The following CDH13 variants were observed in gnomAD, a reference collection of about 807,000 sequenced individuals.
The protein encoded by CDH13 is cadherin 13.
CDH13 carries 24 observed loss-of-function variants against 63.8 expected under a neutral mutation model. The observed-to-expected ratio is 0.38, with a 90% CI of 0.27 to 0.53. The LOEUF (loss-of-function observed/expected upper bound fraction) is 0.53. Among genes scored for constraint, CDH13 ranks in the 20% least tolerant of loss-of-function variants. CDH13 has a pLI of 0.85. For missense variants in CDH13, 1,049 were observed against 903.1 expected, an observed-to-expected ratio of 1.16 and a Z score of -2.07; for synonymous variants, 503 against 355.3, an observed-to-expected ratio of 1.42 and a Z score of -4.67.
intron 5 of CDH13, among the ~76,000 whole-genome samples, chr16:83,245,567 G>C (rs10871448): frequency 0.99 from 150,847 of 152,308 alleles, 74,722 homozygotes; most frequent in Middle Eastern, 1. Context: ...CACCTGTAGT[G>C]AAGGGGTCAT....
intron 1 of CDH13, among the ~76,000 whole-genome samples, chr16:82,631,095 G>T (rs1171800010): frequency 1.3e-5 from 2 of 151,964 alleles, no homozygotes; most frequent in African/African-American, 4.8e-5. Context: ...TCCTTCTTTT[G>T]CTCTCTTGCT....
rs928664777 is a variant in CDH13 at position 83,540,326 on chromosome 16, C to G, written c.960+53671C>G. Among the ~76,000 whole-genome samples, 4 of 152,108 alleles carry G rather than the reference C, an allele frequency of 2.6e-5. No homozygotes were observed. In the East Asian group the frequency reaches 5.8e-4, roughly 22 times the overall value. On this transcript the variant is annotated intron_variant, in intron 7 of 13. Transcript: ENST00000567109. ...AGACCGACAAACTGCGTCTGCTGCC[C>G]CGAAGGAGTGCTGAAGACAGTCACC...
intron 10 of CDH13, among the ~76,000 whole-genome samples, chr16:83,694,998 G>A (rs1266777763): frequency 6.6e-6 from 1 of 152,182 alleles, no homozygotes; most frequent in Non-Finnish European, 1.5e-5. Context: ...CTTGAGATCA[G>A]GAGTTCGAGA....
Position 83,670,933 on chromosome 16 carries a change from C to T in CDH13, c.1245C>T (p.Thr415=), listed in dbSNP as rs2150856896. ...CCGGGCAGAGCTTTGAAATCCACACCAACCCTCAAACCAACGAAGGGATGC... is the reference window on the plus strand; with the variant it reads ...CCGGGCAGAGCTTTGAAATCCACACTAACCCTCAAACCAACGAAGGGATGC... ...GNPGQSFEIH[T]NPQTNEGMLS... Residue 415 remains threonine (T), a synonymous_variant, in exon 9 of 14, where the codon ACC becomes ACT. Coordinates refer to ENST00000567109, the MANE Select transcript of CDH13 (RefSeq NM_001257.5). 1 of 1,609,970 alleles carries T rather than the reference C, an allele frequency of 6.2e-7. No individual in the cohort carries two copies. The highest frequency in any genetic ancestry group is 1.1e-5 in the South Asian group (1 of 90,704).
chr16:83,322,315 C>A (rs114686400), intron 5 of CDH13, among the ~76,000 whole-genome samples: 2,383 of 152,250 alleles, frequency 0.016, 61 homozygotes, highest in African/African-American at 0.051. Flanking sequence ...GCAGTGAGAC[C>A]ATTGCTTCAG....
intron 1 of CDH13, among the ~76,000 whole-genome samples, chr16:82,742,978 G>GA (rs1301444823): frequency 6.6e-6 from 1 of 151,938 alleles, no homozygotes; most frequent in African/African-American, 2.4e-5. Flanking sequence ...TACATATTTA[G>GA]AAAAAAATTA....
At chr16:83,606,495 T>C (rs1406321969) in intron 8 of CDH13, among the ~76,000 whole-genome samples, 1 of 151,986 alleles carries the variant, frequency 6.6e-6, no homozygotes, top group East Asian at 1.9e-4. Flanking sequence ...CCCAACACTT[T>C]GGGTGGCGGA....
At chr16:83,381,048 T>A (rs1223193110) in intron 6 of CDH13, among the ~76,000 whole-genome samples, 2 of 152,180 alleles carry the variant, frequency 1.3e-5, no homozygotes, top group African/African-American at 4.8e-5. Flanking sequence ...TTTATTGATC[T>A]TAAAGTTTTA....
In CDH13 at chr16:83,344,950, G is replaced by T; in HGVS notation, c.725G>T (p.Arg242Leu). The change falls in exon 6 of 14, where the codon CGA (arginine) becomes CTA (leucine). Residue 242 changes from arginine (R) to leucine (L), a missense_variant. By Grantham distance (102) the Arg-to-Leu change is moderately radical (BLOSUM62 -2). Coordinates refer to ENST00000567109, the MANE Select transcript of CDH13 (RefSeq NM_001257.5). ...ATTGTGATTGATCAGAATGACAACC[G>T]ACCGATCTTTCGGGAAGGCCCCTAC... Reference protein sequence around the residue: ...EVIVIDQNDNRPIFREGPYIG... With the variant: ...EVIVIDQNDNLPIFREGPYIG... 1.2e-6 allele frequency: 2 copies of T among 1,613,948 alleles called. No homozygotes were observed. The highest frequency in any genetic ancestry group is 1.7e-6 in the Non-Finnish European group (2 of 1,179,850).
intron 8 of CDH13, among the ~76,000 whole-genome samples, chr16:83,634,275 T>C (rs547693998): frequency 6.6e-6 from 1 of 152,266 alleles, no homozygotes; most frequent in African/African-American, 2.4e-5. Flanking sequence ...TTATTAGTTG[T>C]ATTAACCTTC....
intron 3 of CDH13, among the ~76,000 whole-genome samples, chr16:83,069,820 C>G (rs1440064820): frequency 6.6e-6 from 1 of 152,170 alleles, no homozygotes; most frequent in East Asian, 1.9e-4. Flanking sequence ...GGCTCTGTCT[C>G]TCACAAGGGC....
intron 6 of CDH13, among the ~76,000 whole-genome samples, chr16:83,382,088 A>T (rs4782786): frequency 6.6e-6 from 1 of 151,994 alleles, no homozygotes; most frequent in Non-Finnish European, 1.5e-5. Flanking sequence ...CCAGCTACTT[A>T]TTGTGTGGTT....
intron 4 of CDH13, among the ~76,000 whole-genome samples, chr16:83,153,220 T>C (rs895693503): frequency 6.6e-6 from 1 of 151,878 alleles, no homozygotes; most frequent in South Asian, 2.1e-4. Flanking sequence ...GGAGTGCTGA[T>C]TGGTTGGGTC....
chr16:83,058,653 G>C (rs2031205481), intron 3 of CDH13, among the ~76,000 whole-genome samples: 2 of 152,098 alleles, frequency 1.3e-5, no homozygotes, highest in Admixed American at 6.5e-5. Flanking sequence ...CTGATGTTGT[G>C]GTGTAAGTGT....
chr16:83,602,130 AAAAAAAAAAAAAACCC>A, intron 7 of CDH13, among the ~76,000 whole-genome samples: 1 of 102,164 alleles, frequency 9.8e-6, no homozygotes, highest in East Asian at 2.5e-4. Context: ...AAAAAAAAAA[AAAAAAAAAAAAAACCC>A]AAAGGACAAT....
Position 83,075,286 on chromosome 16 carries a change from G to T in CDH13, c.366+43068G>T, listed in dbSNP as rs187171350. Among the ~76,000 whole-genome samples the T allele has an allele frequency of 2.0e-3, 306 of 152,262 alleles. 3 individuals carry two copies. Among genetic ancestry groups the T allele is most frequent in the South Asian group, 0.019 (90 of 4,820 alleles). ...GAGTTTCACCCCAGTTCTTGTCTCA[G>T]GGGACCACAAAGAGAGTGACTATGT... On this transcript the variant is annotated intron_variant, in intron 3 of 13. Coordinates refer to ENST00000567109, the MANE Select transcript of CDH13 (RefSeq NM_001257.5).
intron 1 of CDH13, among the ~76,000 whole-genome samples, chr16:82,727,014 T>G (rs967268598): frequency 1.3e-5 from 2 of 152,142 alleles, no homozygotes; most frequent in African/African-American, 4.8e-5. Context: ...CTTCTTCTAA[T>G]GAAGTGCCCA....
chr16:83,057,777 A>G lies in CDH13; in HGVS notation c.366+25559A>G, dbSNP rs148555964. On this transcript the variant is annotated intron_variant, in intron 3 of 13. Coordinates refer to ENST00000567109, the MANE Select transcript of CDH13 (RefSeq NM_001257.5). ...CTAAGATAAGATCACCTCCCACTCC[A>G]GAAAAGGGGTGAGGGTAGATGTTAA... Among the ~76,000 whole-genome samples, 741 of 152,266 alleles carry G rather than the reference A, an allele frequency of 4.9e-3. 5 individuals carry two copies. The highest frequency in any genetic ancestry group is 0.017 in the African/African-American group (713 of 41,562).
At chr16:82,684,660 C>A (rs1914883238) in intron 1 of CDH13, among the ~76,000 whole-genome samples, 1 of 151,978 alleles carries the variant, frequency 6.6e-6, no homozygotes, top group African/African-American at 2.4e-5. Context: ...TCTACTGGTT[C>A]CATAGCATGG....
Sources: allele counts gnomAD v4.1 joint callset (sites outside exome capture counted in the v4.1 genomes callset), GRCh38; gene constraint gnomAD v4.1.1; transcripts MANE v1.5; gene names NCBI Gene and HGNC (gene_info 2026-07-23, HGNC 2026-07-21).